The following EFCAB8 variants were observed in gnomAD, a reference collection of about 807,000 sequenced individuals.
EFCAB8 encodes EF-hand calcium-binding domain-containing protein 8.
Under a neutral mutation model 116.3 loss-of-function variants are expected in EFCAB8, and 100 were observed. The observed-to-expected ratio is 0.86, with a 90% CI of 0.73 to 1.02. EFCAB8 has a LOEUF of 1.02. EFCAB8 is among the 50% of genes least tolerant of loss of function. The pLI, the probability that EFCAB8 is intolerant of heterozygous loss-of-function variation, is 0.00. For synonymous variants in EFCAB8, 558 were observed against 567.9 expected (o/e 0.98, Z 0.25); for missense variants, 1,320 against 1,416.9 (o/e 0.93, Z 1.10).
In EFCAB8 at chr20:32,961,292, GCTGTGCTGGATACCACGGACA is replaced by G; in HGVS notation, c.3551_3571del (p.Ala1184_Ser1191delinsGly). ...GGACCTGGTGCCCAGCAGGGAGCAG[GCTGTGCTGGATACCACGGACA>G]GCACGCCTGCGGCCGCCTCCTCCCC... is the stretch of plus-strand genomic sequence containing the variant. On this transcript the variant is annotated inframe_deletion, in exon 27 of 27. Coordinates refer to ENST00000400522, the MANE Select transcript of EFCAB8 (RefSeq NM_001143967.2). 1 of 1,547,468 alleles carries G rather than the reference GCTGTGCTGGATACCACGGACA, an allele frequency of 6.5e-7. No individual in the cohort carries two copies. Among genetic ancestry groups the G allele is most frequent in the Non-Finnish European group, 8.7e-7 (1 of 1,144,942 alleles).
rs367893602 is a variant in EFCAB8, at chr20:32,961,479, C to T, written c.3737C>T (p.Pro1246Leu). Residue 1246 changes from proline (P) to leucine (L), a missense_variant, in exon 27 of 27, where the codon CCG (proline) becomes CTG (leucine). Pro to Leu is a moderately conservative substitution (Grantham distance 98). Coordinates refer to ENST00000400522, the MANE Select transcript of EFCAB8 (RefSeq NM_001143967.2). ...TAHSTPSVPS[P>L]VSKSTLQGSV... Reference sequence around the variant, plus strand: ...CATTCCACCCCCTCGGTCCCATCCCCGGTGTCCAAGTCCACCCTGCAGGGG... The same window carrying T: ...CATTCCACCCCCTCGGTCCCATCCCTGGTGTCCAAGTCCACCCTGCAGGGG... The T allele has an allele frequency of 1.1e-4, 160 of 1,449,302 alleles. 1 individual carries two copies. In the East Asian group the frequency reaches 3.5e-3, roughly 31 times the overall value. The allele number at this position is 1,449,302 out of a possible 1,614,324, so 89.8% of individuals were successfully genotyped here.
chr20:32,915,115 C>T (rs1896540777), intron 17 of EFCAB8, among the ~76,000 whole-genome samples: 1 of 152,118 alleles, frequency 6.6e-6, no homozygotes, highest in Non-Finnish European at 1.5e-5. Context: ...GTTGCCCAGG[C>T]TGGTCTTAAA....
At chr20:32,905,036 C>T (rs1986610047) in intron 11 of EFCAB8, among the ~76,000 whole-genome samples, 1 of 152,166 alleles carries the variant, frequency 6.6e-6, no homozygotes, top group Non-Finnish European at 1.5e-5. Flanking sequence ...CCTGTGAGGG[C>T]TGCAGGGCCC....
intron 6 of EFCAB8, among the ~76,000 whole-genome samples, chr20:32,888,004 A>G (rs968619176): frequency 1.3e-5 from 2 of 152,030 alleles, no homozygotes; most frequent in African/African-American, 2.4e-5. Flanking sequence ...CCCTGCAGGC[A>G]AATGCTATGA....
chr20:32,938,003 A>T (rs1242763516), intron 22 of EFCAB8, among the ~76,000 whole-genome samples: 1 of 150,128 alleles, frequency 6.7e-6, no homozygotes, highest in Non-Finnish European at 1.5e-5. Flanking sequence ...CCAGATAAAG[A>T]TATCACAGGA....
chr20:32,906,643 A>C lies in EFCAB8; in HGVS notation c.1156+14A>C. ...GGAACTTCCTGGGTAAGTCACCTTC[A>C]TGTCACCCAGAAGCTGCTGGGGGGA... On this transcript the variant is annotated intron_variant, in intron 12 of 26. Coordinates refer to ENST00000400522, the MANE Select transcript of EFCAB8 (RefSeq NM_001143967.2). The C allele has an allele frequency of 1.4e-6, 1 of 717,892 alleles. No individual in the cohort carries two copies. The highest frequency in any genetic ancestry group is 2.6e-6 in the Non-Finnish European group (1 of 385,068). The allele number at this position is 717,892 out of a possible 1,614,324, so 44.5% of individuals were successfully genotyped here.
At chr20:32,863,742 A>T in intron 1 of EFCAB8, 41 bp from the exon 2 acceptor site, 1 of 1,542,724 alleles carries the variant, frequency 6.5e-7, no homozygotes, top group South Asian at 1.2e-5. Flanking sequence ...CGTGGTCCTT[A>T]CAACGACTGG....
chr20:32,923,585 A>T (rs1357430112), intron 20 of EFCAB8, among the ~76,000 whole-genome samples: 1 of 152,210 alleles, frequency 6.6e-6, no homozygotes, highest in South Asian at 2.1e-4. Context: ...TCCAGAGGTA[A>T]TTACGTTAAG....
intron 21 of EFCAB8, 139 bp from the exon 22 acceptor site, chr20:32,931,039 G>A: frequency 1.4e-6 from 1 of 711,250 alleles, no homozygotes. Context: ...GGCCCTAGTG[G>A]TGAGGTATCT....
Position 32,930,596 on chromosome 20 carries a change from G to T in EFCAB8, c.2611G>T (p.Asp871Tyr). The T allele has an allele frequency of 6.4e-7, 1 of 1,552,302 alleles. No homozygotes were observed. Among genetic ancestry groups the T allele is most frequent in the Non-Finnish European group, 8.7e-7 (1 of 1,147,124 alleles). ...DKNDWILITG[D>Y]CKGYIKIWDI... ...AAATGACTGGATCCTCATCACGGGGGATTGTAAAGGATACATCAAGGTGAG... is the reference window on the plus strand; with the variant it reads ...AAATGACTGGATCCTCATCACGGGGTATTGTAAAGGATACATCAAGGTGAG... Residue 871 changes from aspartate to tyrosine, a missense_variant, in exon 21 of 27, where the codon GAT becomes TAT. By Grantham distance (160) the Asp-to-Tyr change is radical. Coordinates refer to ENST00000400522, the MANE Select transcript of EFCAB8 (RefSeq NM_001143967.2).
intron 15 of EFCAB8, 47 bp from the exon 16 acceptor site, chr20:32,911,433 G>A (rs1315117055): frequency 7.0e-7 from 1 of 1,426,240 alleles, no homozygotes; most frequent in African/African-American, 1.4e-5. Context: ...CCTTGGGAGT[G>A]GAGGCCCCGG....
intron 1 of EFCAB8, among the ~76,000 whole-genome samples, chr20:32,863,230 C>T (rs574231187): frequency 1.3e-4 from 20 of 152,204 alleles, no homozygotes; most frequent in Admixed American, 9.2e-4. Context: ...CCTAACAAAA[C>T]GCTGTCATCC....
intron 20 of EFCAB8, among the ~76,000 whole-genome samples, chr20:32,926,306 C>G (rs545346844): frequency 6.6e-6 from 1 of 152,244 alleles, no homozygotes; most frequent in East Asian, 1.9e-4. Context: ...AAATTTAAAG[C>G]ACATCCTTTA....
At chr20:32,860,704 A>C (rs1984070268) in intron 1 of EFCAB8, among the ~76,000 whole-genome samples, 1 of 151,808 alleles carries the variant, frequency 6.6e-6, no homozygotes, top group Non-Finnish European at 1.5e-5. Flanking sequence ...AATTGGCATC[A>C]TAGTGTGCAC....
intron 2 of EFCAB8, among the ~76,000 whole-genome samples, chr20:32,864,997 C>T (rs532664506): frequency 3.5e-4 from 54 of 152,256 alleles, no homozygotes; most frequent in Non-Finnish European, 5.6e-4. Flanking sequence ...ACCTGTGGCT[C>T]AGGGAAGTGA....
intron 5 of EFCAB8, among the ~76,000 whole-genome samples, chr20:32,882,712 T>C (rs1433643095): frequency 4.0e-5 from 6 of 150,636 alleles, no homozygotes; most frequent in African/African-American, 1.5e-4. Flanking sequence ...TGTTGTTGTT[T>C]TGAGACAGAG....
rs1409877630 is a variant in EFCAB8 at position 32,917,508 on chromosome 20, A to G, written c.2061+3A>G. 2 of 1,358,740 alleles carry G rather than the reference A, an allele frequency of 1.5e-6. No homozygotes were observed. Among genetic ancestry groups the G allele is most frequent in the African/African-American group, 3.0e-5 (2 of 66,030 alleles). 84.2% of individuals were successfully genotyped at this position (1,358,740 alleles called of 1,614,324 possible). A position where few individuals can be genotyped will look rare whatever the true frequency, so the allele number is the denominator to read the frequency against. On this transcript the variant is annotated splice_donor_region_variant and intron_variant, in intron 18 of 26. Coordinates refer to ENST00000400522, the MANE Select transcript of EFCAB8 (RefSeq NM_001143967.2). ...CCTCGCCCTTGCAGCCCAAGAGGGT[A>G]TGTTAACAGGAGCACACTCTCCTCC... is the stretch of plus-strand genomic sequence containing the variant.
In EFCAB8 at chr20:32,955,371, C is replaced by T. The variant is rs149546149; in HGVS notation, c.2960-3050C>T. Among the ~76,000 whole-genome samples, 5 of 152,160 alleles carry T rather than the reference C, an allele frequency of 3.3e-5. No individual in the cohort carries two copies. In the East Asian group the frequency reaches 9.7e-4, roughly 29 times the overall value. ...CATGGGCAACAATGTGAGACCCTGT[C>T]TCTACAAAAAATTAAAAACTTAGCT... On this transcript the variant is annotated intron_variant, in intron 23 of 26. Transcript: ENST00000400522.
intron 11 of EFCAB8, among the ~76,000 whole-genome samples, chr20:32,903,230 C>T (rs888167449): frequency 3.3e-5 from 5 of 152,230 alleles, no homozygotes; most frequent in South Asian, 2.1e-4. Context: ...CTGCTCCCTC[C>T]GGCTGAAGCC....
Sources: allele counts gnomAD v4.1 joint callset (sites outside exome capture counted in the v4.1 genomes callset), GRCh38; gene constraint gnomAD v4.1.1; transcripts MANE v1.5; gene names NCBI Gene and HGNC (gene_info 2026-07-23, HGNC 2026-07-21).